KCTD16: variants seen among roughly 807,000 people sequenced by gnomAD.
KCTD16 encodes the protein potassium channel tetramerization domain containing 16.
KCTD16 carries 13 observed loss-of-function variants against 33.2 expected under a neutral mutation model. That is an observed-to-expected ratio of 0.39 (90% CI 0.25 to 0.62). KCTD16 has a LOEUF of 0.62. KCTD16 is among the 20% of genes least tolerant of loss of function. The pLI, the probability that KCTD16 is intolerant of heterozygous loss-of-function variation, is 0.50. For missense variants in KCTD16, 441 were observed against 525.1 expected (o/e 0.84, Z 1.57); for synonymous variants, 197 against 195.3 (o/e 1.01, Z -0.07).
intron 3 of KCTD16, among the ~76,000 whole-genome samples, chr5:144,417,227 A>G (rs1358617178): frequency 6.6e-6 from 1 of 152,172 alleles, no homozygotes; most frequent in African/African-American, 2.4e-5. Flanking sequence ...TCTATTTCTC[A>G]TCACCAATGT....
intron 3 of KCTD16, among the ~76,000 whole-genome samples, chr5:144,379,085 T>C (rs1455410320): frequency 6.6e-6 from 1 of 152,216 alleles, no homozygotes; most frequent in Non-Finnish European, 1.5e-5. Flanking sequence ...GCTTTCAGCA[T>C]ATTTTGTGCT....
chr5:144,338,430 G>A (rs1026040942), intron 3 of KCTD16, among the ~76,000 whole-genome samples: 4 of 152,166 alleles, frequency 2.6e-5, no homozygotes, highest in African/African-American at 9.7e-5. Flanking sequence ...GGCCCTACTG[G>A]CTTGATAGGA....
chr5:144,284,413 G>T (rs1225116203), intron 3 of KCTD16, among the ~76,000 whole-genome samples: 1 of 152,174 alleles, frequency 6.6e-6, no homozygotes, highest in Non-Finnish European at 1.5e-5. Flanking sequence ...TTCCTACTTC[G>T]CAGCGTGGCT....
chr5:144,341,580 CA>C (rs1458830127), intron 3 of KCTD16, among the ~76,000 whole-genome samples: 2 of 152,092 alleles, frequency 1.3e-5, no homozygotes, highest in Admixed American at 6.6e-5. Flanking sequence ...TTATTATAAA[CA>C]AAAACCACCT....
intron 3 of KCTD16, among the ~76,000 whole-genome samples, chr5:144,343,764 A>C (rs1169238048): frequency 6.6e-6 from 1 of 152,118 alleles, no homozygotes; most frequent in African/African-American, 2.4e-5. Flanking sequence ...TGTCCCAGAG[A>C]TTCTGGTATG....
At chr5:144,196,316 A>G (rs1252699311) in intron 2 of KCTD16, among the ~76,000 whole-genome samples, 1 of 152,136 alleles carries the variant, frequency 6.6e-6, no homozygotes, top group Non-Finnish European at 1.5e-5. Flanking sequence ...AGTGCCTCAC[A>G]ATAATAAAAC....
intron 3 of KCTD16, among the ~76,000 whole-genome samples, chr5:144,214,266 T>A (rs1021194191): frequency 7.2e-5 from 11 of 152,128 alleles, no homozygotes; most frequent in Admixed American, 4.6e-4. Flanking sequence ...GGAAAGGCCA[T>A]GAGCATTCCT....
intron 3 of KCTD16, among the ~76,000 whole-genome samples, chr5:144,452,614 C>A (rs1370463243): frequency 6.6e-6 from 1 of 151,830 alleles, no homozygotes; most frequent in East Asian, 1.9e-4. Context: ...TAGAGTATCT[C>A]TATTTAAAAA....
At chr5:144,299,528 A>G (rs921636260) in intron 3 of KCTD16, among the ~76,000 whole-genome samples, 13 of 152,234 alleles carry the variant, frequency 8.5e-5, no homozygotes, top group Admixed American at 7.8e-4. Context: ...TGGAATGAAA[A>G]AAATAGGTTT....
intron 3 of KCTD16, among the ~76,000 whole-genome samples, chr5:144,359,296 T>C (rs1751648879): frequency 6.6e-6 from 1 of 152,142 alleles, no homozygotes; most frequent in Non-Finnish European, 1.5e-5. Flanking sequence ...TCATTTCCAC[T>C]CAACACTTGT....
At chr5:144,401,356 TCTC>T (rs2126946428) in intron 3 of KCTD16, among the ~76,000 whole-genome samples, 1 of 152,298 alleles carries the variant, frequency 6.6e-6, no homozygotes, top group Non-Finnish European at 1.5e-5. Context: ...AGGTGTATCA[TCTC>T]CTTAATTCCA....
chr5:144,325,793 G>A (rs911497205), intron 3 of KCTD16, among the ~76,000 whole-genome samples: 1 of 152,094 alleles, frequency 6.6e-6, no homozygotes, highest in Non-Finnish European at 1.5e-5. Context: ...TGACTTGCCT[G>A]TTTCCCCTCA....
intron 3 of KCTD16, among the ~76,000 whole-genome samples, chr5:144,299,110 A>ATATATATG (rs1756149029): frequency 8.7e-5 from 1 of 11,462 alleles, no homozygotes; most frequent in African/African-American, 8.2e-4. Flanking sequence ...ATATATATAT[A>ATATATATG]TATATATATA....
intron 3 of KCTD16, among the ~76,000 whole-genome samples, chr5:144,258,638 C>T (rs1158218027): frequency 1.3e-5 from 2 of 152,152 alleles, no homozygotes; most frequent in Non-Finnish European, 2.9e-5. Flanking sequence ...TAATAAAAGT[C>T]ATTGGGTTCT....
Position 144,352,301 on chromosome 5 carries a change from A to G in KCTD16, c.833-121359A>G, listed in dbSNP as rs192098173. ...GTACCAAGGATAAGAGAAGGGAATA[A>G]GGGCAGACATATGAAGAAACCGCAG... On this transcript the variant is annotated intron_variant, in intron 3 of 3. Coordinates refer to ENST00000512467, the MANE Select transcript of KCTD16 (RefSeq NM_020768.4). Among the ~76,000 whole-genome samples the G allele has an allele frequency of 4.6e-3, 708 of 152,296 alleles. 1 individual carries two copies. The highest frequency in any genetic ancestry group is 0.016 in the African/African-American group (679 of 41,568).
intron 3 of KCTD16, chr5:144,385,343 T>A (rs1301117451): frequency 6.6e-6 from 1 of 152,226 alleles, no homozygotes; most frequent in Non-Finnish European, 1.5e-5. Flanking sequence ...ACATGACATA[T>A]GCATTTGTTA....
intron 3 of KCTD16, among the ~76,000 whole-genome samples, chr5:144,358,046 C>G (rs1751611441): frequency 6.7e-6 from 1 of 149,810 alleles, no homozygotes; most frequent in South Asian, 2.1e-4. Flanking sequence ...CTCTCAGCCT[C>G]TAGAGTAGCT....
chr5:144,236,255 A>C (rs1232706998), intron 3 of KCTD16, among the ~76,000 whole-genome samples: 1 of 152,164 alleles, frequency 6.6e-6, no homozygotes, highest in Admixed American at 6.6e-5. Context: ...AATTCTAACT[A>C]CTGGATAACA....
rs190029705 is a variant in KCTD16, at chr5:144,181,382, G to A, written c.-327+6910G>A. Reference sequence around the variant, plus strand: ...TGTGTAATCTGAGAGGCCTATGTTGGTTAGTAGCAGTATCTACACAGCAAT... The same window carrying A: ...TGTGTAATCTGAGAGGCCTATGTTGATTAGTAGCAGTATCTACACAGCAAT... On this transcript the variant is annotated intron_variant, in intron 2 of 3. Transcript: ENST00000512467. Among the ~76,000 whole-genome samples the A allele has an allele frequency of 2.7e-4, 41 of 152,270 alleles. No homozygotes were observed. In the East Asian group the frequency reaches 7.5e-3, roughly 28 times the overall value.
Sources: gnomAD v4.1 joint callset for allele counts (sites outside exome capture counted in the v4.1 genomes callset) on GRCh38, gnomAD v4.1.1 for gene constraint, MANE v1.5 for transcripts, NCBI Gene and HGNC (gene_info 2026-07-23, HGNC 2026-07-21) for gene names.